The following TNS3 variants were observed in gnomAD, a reference collection of about 807,000 sequenced individuals.
The protein encoded by TNS3 is tensin 3.
Under a neutral mutation model 140.9 loss-of-function variants are expected in TNS3, and 45 were observed. The ratio of observed to expected loss-of-function variants is 0.32; its 90% CI spans 0.25 to 0.41. The LOEUF (loss-of-function observed/expected upper bound fraction) is 0.41. Ranked by LOEUF, TNS3 falls within the 10% of genes least tolerant of loss-of-function variation. The pLI is 1.00. For missense variants in TNS3, 1,716 were observed against 1,906.7 expected (o/e 0.90, Z 1.86); for synonymous variants, 815 against 788.4 (o/e 1.03, Z -0.56).
chr7:47,506,738 C>A (rs544769688), intron 3 of TNS3, among the ~76,000 whole-genome samples, 169 bp downstream of exon 3: 3 of 152,280 alleles, frequency 2.0e-5, no homozygotes, highest in African/African-American at 7.2e-5. Flanking sequence ...GATTTCAAAG[C>A]TCTTTGGTTT....
intron 1 of TNS3, among the ~76,000 whole-genome samples, chr7:47,533,511 TCAGA>T (rs1186694220): frequency 1.3e-5 from 2 of 151,492 alleles, no homozygotes; most frequent in African/African-American, 4.9e-5. Context: ...AGTGGCTATA[TCAGA>T]CAAAGTAGGC....
At chr7:47,539,067 G>A (rs749172311) in intron 1 of TNS3, 24 of 456,498 alleles carry the variant, frequency 5.3e-5, no homozygotes, top group Admixed American at 2.8e-4. Context: ...ATCTACCACC[G>A]CCCTTACCAT....
At chr7:47,539,316 G>A (rs534970309) in intron 1 of TNS3, 85 of 345,436 alleles carry the variant, frequency 2.5e-4, no homozygotes, top group South Asian at 1.8e-3. Context: ...ATTTAAAAGA[G>A]TAGCCATTCA....
chr7:47,454,491 A>C (rs1272181925), intron 4 of TNS3, among the ~76,000 whole-genome samples: 1 of 152,208 alleles, frequency 6.6e-6, no homozygotes, highest in South Asian at 2.1e-4. Context: ...CAAGGCACCA[A>C]GCCCAAGCCA....
intron 2 of TNS3, among the ~76,000 whole-genome samples, chr7:47,514,024 C>A (rs1159571410): frequency 2.6e-5 from 4 of 152,240 alleles, no homozygotes; most frequent in Admixed American, 2.6e-4. Context: ...GAATCCAGGC[C>A]ACTGTCTTAC....
At chr7:47,333,106 C>CTT (rs577514405) in intron 20 of TNS3, among the ~76,000 whole-genome samples, 2 of 147,318 alleles carry the variant, frequency 1.4e-5, no homozygotes, top group Non-Finnish European at 1.5e-5. Context: ...AAGCCAACAC[C>CTT]TTTTTTTTTT....
At chr7:47,493,980 T>C (rs1797910739) in intron 3 of TNS3, among the ~76,000 whole-genome samples, 1 of 152,224 alleles carries the variant, frequency 6.6e-6, no homozygotes, top group Non-Finnish European at 1.5e-5. Context: ...CCCAAACTAG[T>C]TCCTGCTGGT....
At position 47,383,658 on chromosome 7, in the gene TNS3, A is replaced by T. The variant is rs1187026482; in HGVS notation, c.1024+13142T>A. ...ACGGCAACCAGCCCGAGGCTCGCACATGCACTCAGGTTTTATACAAAGCGT... is the reference window on the plus strand; with the variant it reads ...ACGGCAACCAGCCCGAGGCTCGCACTTGCACTCAGGTTTTATACAAAGCGT... On this transcript the variant is annotated intron_variant, in intron 16 of 30. Coordinates refer to ENST00000311160, the MANE Select transcript of TNS3 (RefSeq NM_022748.12). Among the ~76,000 whole-genome samples the T allele has an allele frequency of 1.3e-5, 2 of 152,192 alleles. 1 individual carries two copies. Among genetic ancestry groups the T allele is most frequent in the Non-Finnish European group, 2.9e-5 (2 of 68,026 alleles).
At chr7:47,564,193 C>CAAA (rs57005793) in intron 1 of TNS3, among the ~76,000 whole-genome samples, 52 of 97,864 alleles carry the variant, frequency 5.3e-4, no homozygotes, top group Admixed American at 9.6e-4. Context: ...GACTCTGTCT[C>CAAA]AAAAAAAAAA....
At chr7:47,345,138 A>G in intron 18 of TNS3, 100 bp from the exon 19 acceptor site, 3 of 859,314 alleles carry the variant, frequency 3.5e-6, no homozygotes. Context: ...CCCACTGAGC[A>G]AACCCCTCCT....
intron 3 of TNS3, among the ~76,000 whole-genome samples, chr7:47,504,363 T>C: frequency 6.6e-6 from 1 of 152,152 alleles, no homozygotes. Flanking sequence ...CCTGTGACAA[T>C]GTCACTGACA....
At chr7:47,469,093 G>T (rs943007658) in intron 4 of TNS3, among the ~76,000 whole-genome samples, 1 of 152,130 alleles carries the variant, frequency 6.6e-6, no homozygotes, top group African/African-American at 2.4e-5. Flanking sequence ...CTAACCCAAG[G>T]TAGATTACAG....
chr7:47,358,310 G>A (rs971110085), intron 17 of TNS3, among the ~76,000 whole-genome samples: 4 of 152,012 alleles, frequency 2.6e-5, no homozygotes, highest in African/African-American at 9.7e-5. Flanking sequence ...GCTAATTTTT[G>A]TATTTTTTAG....
At chr7:47,320,591 C>T (rs184153017) in intron 20 of TNS3, among the ~76,000 whole-genome samples, 346 of 152,338 alleles carry the variant, frequency 2.3e-3, no homozygotes, top group Non-Finnish European at 3.1e-3. Flanking sequence ...CCTGTGTCCT[C>T]ACATGGTCTT....
chr7:47,305,054 A>C lies in TNS3; in HGVS notation c.2651-51T>G. ...GAGACCTCGGTTGTAGGACTGGAGA[A>C]GTCATAATCTCTGCTGCTTTTGCAT... On this transcript the variant is annotated intron_variant, in intron 20 of 30. Transcript: ENST00000311160. 2.3e-6 allele frequency: 3 copies of C among 1,293,166 alleles called. No individual in the cohort carries two copies. In the East Asian group the frequency reaches 8.5e-5, roughly 36 times the overall value. The allele number at this position is 1,293,166 out of a possible 1,614,324, so 80.1% of individuals were successfully genotyped here.
chr7:47,304,626 G>A (rs911436574), intron 21 of TNS3, among the ~76,000 whole-genome samples: 8 of 151,604 alleles, frequency 5.3e-5, no homozygotes, highest in South Asian at 2.1e-4. Flanking sequence ...ATATTTTCTC[G>A]TATGTCACCA....
chr7:47,465,801 G>A (rs914812424), intron 4 of TNS3, among the ~76,000 whole-genome samples: 6 of 151,960 alleles, frequency 3.9e-5, no homozygotes, highest in Non-Finnish European at 7.4e-5. Context: ...GTGGATGCCT[G>A]TAATCCCAGC....
chr7:47,396,418 G>A (rs1291054467), intron 16 of TNS3, among the ~76,000 whole-genome samples: 2 of 152,200 alleles, frequency 1.3e-5, no homozygotes, highest in East Asian at 1.9e-4. Context: ...ATGTGGGGCC[G>A]TACAACAGTA....
At chr7:47,449,898 GC>G (rs1795935849) in intron 4 of TNS3, among the ~76,000 whole-genome samples, 1 of 152,158 alleles carries the variant, frequency 6.6e-6, no homozygotes, top group Non-Finnish European at 1.5e-5. Context: ...GAGCCACCAC[GC>G]CCAGCCCTGG....
Sources: gnomAD v4.1 joint callset for allele counts (sites outside exome capture counted in the v4.1 genomes callset) on GRCh38, gnomAD v4.1.1 for gene constraint, MANE v1.5 for transcripts, NCBI Gene and HGNC (gene_info 2026-07-23, HGNC 2026-07-21) for gene names.